METTL14: variants seen among roughly 807,000 people sequenced by gnomAD.
METTL14 encodes the protein N(6)-adenosine-methyltransferase non-catalytic subunit METTL14.
METTL14 carries 32 observed loss-of-function variants against 62.4 expected under a neutral mutation model. That is an observed-to-expected ratio of 0.51 (90% confidence interval 0.39 to 0.69). METTL14 has a LOEUF of 0.69. METTL14 is among the 30% of genes least tolerant of loss of function. The pLI, the probability that METTL14 is intolerant of heterozygous loss-of-function variation, is 0.00. For missense variants in METTL14, 340 were observed against 551.9 expected (o/e 0.62, Z 3.85); for synonymous variants, 150 against 180.0 (o/e 0.83, Z 1.34).
chr4:118,712,735 C>G lies in METTL14; in HGVS notation c.*2433C>G, dbSNP rs1399584976. On this transcript the variant is annotated 3_prime_UTR_variant, in exon 11 of 11. Coordinates refer to ENST00000388822, the MANE Select transcript of METTL14 (RefSeq NM_020961.4). Reference sequence around the variant, plus strand: ...TAACCTAGTTTAGAAGTTAGAAGATCAGCATGTCTGAGTTTTTACAGAATT... The same window carrying G: ...TAACCTAGTTTAGAAGTTAGAAGATGAGCATGTCTGAGTTTTTACAGAATT... The G allele has an allele frequency of 6.6e-6, 1 of 152,048 alleles. No homozygotes were observed. The highest frequency in any genetic ancestry group is 1.5e-5 in the Non-Finnish European group (1 of 68,012). 9.4% of individuals were successfully genotyped at this position (152,048 alleles called of 1,614,324 possible). A position where few individuals can be genotyped will look rare whatever the true frequency, so the allele number is the denominator to read the frequency against.
intron 10 of METTL14, among the ~76,000 whole-genome samples, 157 bp from the exon 11 acceptor site, chr4:118,709,841 C>T (rs1463817172): frequency 6.6e-6 from 1 of 152,120 alleles, no homozygotes; most frequent in Non-Finnish European, 1.5e-5. Context: ...ATCTTTAAAA[C>T]ATGACCACAA....
intron 5 of METTL14, 41 bp downstream of exon 5, chr4:118,692,109 A>G (rs994295752): frequency 1.8e-6 from 2 of 1,095,782 alleles, no homozygotes; most frequent in Admixed American, 2.1e-5. Flanking sequence ...GCTGACTCTC[A>G]ATTACATGCA....
chr4:118,689,474 A>G lies in METTL14; in HGVS notation c.243+17A>G, dbSNP rs746954690. ...GAATATAAGGCAAGTAGAGAGTGAA[A>G]TAAGTTTATGGTCAAAGAAAACATA... is the stretch of plus-strand genomic sequence containing the variant. On this transcript the variant is annotated intron_variant, in intron 3 of 10. Coordinates refer to ENST00000388822, the MANE Select transcript of METTL14 (RefSeq NM_020961.4). The G allele has an allele frequency of 2.9e-6, 4 of 1,402,682 alleles. 1 individual carries two copies. The South Asian group carries it at 3.7e-5, about 13-fold the overall frequency. The allele number at this position is 1,402,682 out of a possible 1,614,324, so 86.9% of individuals were successfully genotyped here.
chr4:118,691,106 CTT>C (rs33920104), intron 3 of METTL14, among the ~76,000 whole-genome samples: 1 of 148,092 alleles, frequency 6.8e-6, no homozygotes, highest in African/African-American at 2.5e-5. Context: ...ATGTTTGTGA[CTT>C]TTTTTTTTAT....
intron 10 of METTL14, among the ~76,000 whole-genome samples, chr4:118,707,714 ACAC>A (rs1468993088): frequency 6.6e-6 from 1 of 151,792 alleles, no homozygotes; most frequent in East Asian, 1.9e-4. Context: ...CTCCTCAAAC[ACAC>A]TTCTTCCTCA....
chr4:118,702,938 TTTATTATTATTATTA>T (rs70944804), intron 8 of METTL14, among the ~76,000 whole-genome samples: 172 of 135,148 alleles, frequency 1.3e-3, no homozygotes, highest in Non-Finnish European at 2.2e-3. Context: ...GTTGGAAGGT[TTTATTATTATTATTA>T]TTATTATTAT....
chr4:118,689,405 G>C lies in METTL14; in HGVS notation c.191G>C (p.Arg64Pro), dbSNP rs201299266. The C allele has an allele frequency of 2.5e-6, 4 of 1,605,260 alleles. No homozygotes were observed. The highest frequency in any genetic ancestry group is 1.3e-5 in the African/African-American group (1 of 74,600). The change falls in exon 3 of 11, where the codon CGT becomes CCT. Residue 64 changes from arginine (R) to proline (P), a missense_variant. Arg to Pro is a moderately radical substitution (Grantham distance 103, BLOSUM62 -2). Around this residue, in one of 7 missense-constraint regions of METTL14, gnomAD observed 111 missense variants for 116.6 expected, o/e 0.95. Transcript: ENST00000388822. ...SYDTSAPNAK[R>P]KYLDEGETDE... ...GATACCTCTGCTCCAAATGCAAAAC[G>C]TAAGTATCTGGATGAAGGAGAGACA...
chr4:118,707,520 T>G (rs1724790246), intron 10 of METTL14, among the ~76,000 whole-genome samples: 1 of 151,516 alleles, frequency 6.6e-6, no homozygotes, highest in African/African-American at 2.4e-5. Flanking sequence ...AAAAATTAGC[T>G]GGGTGTGGTG....
rs1724160032 is a variant in METTL14, at chr4:118,688,950, G to A, written c.156-420G>A. Among the ~76,000 whole-genome samples, 2 of 152,100 alleles carry A rather than the reference G, an allele frequency of 1.3e-5. 1 individual carries two copies. Among genetic ancestry groups the A allele is most frequent in the Admixed American group, 1.3e-4 (2 of 15,260 alleles). ...GCCTCCCAAAGTGCTGGGATTACAG[G>A]CATGACCCACCATGCCCAGCCTAAA... On this transcript the variant is annotated intron_variant, in intron 2 of 10. Coordinates refer to ENST00000388822, the MANE Select transcript of METTL14 (RefSeq NM_020961.4).
intron 9 of METTL14, among the ~76,000 whole-genome samples, chr4:118,704,316 T>G (rs1724691961): frequency 1.3e-5 from 2 of 152,202 alleles, no homozygotes; most frequent in Non-Finnish European, 2.9e-5. Context: ...TAAAGGCTTT[T>G]GATCACACTC....
intron 6 of METTL14, among the ~76,000 whole-genome samples, chr4:118,695,531 G>A (rs1028998490): frequency 4.6e-5 from 7 of 152,062 alleles, no homozygotes; most frequent in South Asian, 4.1e-4. Context: ...CCTGGGTGAC[G>A]GAGTGAGACT....
intron 1 of METTL14, among the ~76,000 whole-genome samples, 162 bp downstream of exon 1, chr4:118,685,762 A>C (rs1400914136): frequency 6.6e-6 from 1 of 151,264 alleles, no homozygotes; most frequent in African/African-American, 2.4e-5. Flanking sequence ...TGTAGTTCTC[A>C]ATTTTCGCGG....
chr4:118,695,326 A>T (rs1022498341), intron 6 of METTL14, among the ~76,000 whole-genome samples: 7 of 151,988 alleles, frequency 4.6e-5, no homozygotes, highest in Non-Finnish European at 7.4e-5. Flanking sequence ...AGGCAGGTGG[A>T]TCACCTGAGG....
chr4:118,693,777 C>T (rs1246556850), intron 5 of METTL14, among the ~76,000 whole-genome samples: 1 of 152,104 alleles, frequency 6.6e-6, no homozygotes, highest in East Asian at 1.9e-4. Context: ...TAGAAGCTGA[C>T]TCTGCTGTCT....
Position 118,713,525 on chromosome 4 carries a change from C to A in METTL14, c.*3223C>A, listed in dbSNP as rs1430425886. The A allele has an allele frequency of 2.6e-5, 4 of 152,142 alleles. No homozygotes were observed. Among genetic ancestry groups the A allele is most frequent in the Non-Finnish European group, 5.9e-5 (4 of 68,014 alleles). 9.4% of individuals were successfully genotyped at this position (152,142 alleles called of 1,614,324 possible). On this transcript the variant is annotated 3_prime_UTR_variant, in exon 11 of 11. Transcript: ENST00000388822. ...TTTAATATAATCCTTATTAACATGA[C>A]AAAATGAAAGCCCTGTTGGGACTTA...
Position 118,685,417 on chromosome 4 carries a change from G to C in METTL14, c.-118G>C. ...AAGTCTCTACTGAGGAAAGCTATGA[G>C]GATACTCTGTTCGTAAGCTCCCGGT... On this transcript the variant is annotated 5_prime_UTR_variant, in exon 1 of 11. Transcript: ENST00000388822. 9.7e-7 allele frequency: 1 copy of C among 1,027,118 alleles called. No homozygotes were observed. The highest frequency in any genetic ancestry group is 1.5e-6 in the Non-Finnish European group (1 of 658,452). The allele number at this position is 1,027,118 out of a possible 1,614,324, so 63.6% of individuals were successfully genotyped here. A position where few individuals can be genotyped will look rare whatever the true frequency, so the allele number is the denominator to read the frequency against.
intron 8 of METTL14, among the ~76,000 whole-genome samples, chr4:118,701,921 G>A (rs1390964067): frequency 6.6e-6 from 1 of 152,008 alleles, no homozygotes; most frequent in Non-Finnish European, 1.5e-5. Context: ...TAACTCCAAG[G>A]TAAACTATAA....
intron 6 of METTL14, 41 bp from the exon 7 acceptor site, chr4:118,697,141 A>C (rs1424785874): frequency 8.0e-6 from 12 of 1,498,288 alleles, no homozygotes; most frequent in Non-Finnish European, 1.1e-5. Context: ...TTTAAAAAGC[A>C]TTTTTTTAAA....
chr4:118,697,943 A>G (rs1417768111), intron 7 of METTL14, among the ~76,000 whole-genome samples: 1 of 152,022 alleles, frequency 6.6e-6, no homozygotes, highest in African/African-American at 2.4e-5. Flanking sequence ...AGGAACAACA[A>G]GAACAGAGGG....
Sources: gnomAD v4.1 joint callset for allele counts (sites outside exome capture counted in the v4.1 genomes callset) on GRCh38, gnomAD v4.1.1 for gene constraint, gnomAD v4.1.1 regional missense constraint, MANE v1.5 for transcripts, NCBI Gene and HGNC (gene_info 2026-07-23, HGNC 2026-07-21) for gene names.